The following TLE4 variants were observed in gnomAD, a reference collection of about 807,000 sequenced individuals.
TLE4 encodes the protein transducin-like enhancer protein 4.
In TLE4, 8 loss-of-function variants were observed where a neutral mutation model predicts 92.8. The ratio of observed to expected loss-of-function variants is 0.09; its 90% CI spans 0.05 to 0.16. The LOEUF is 0.16. Among genes scored for constraint, TLE4 ranks in the 10% least tolerant of loss-of-function variants. TLE4 has a pLI of 1.00. For missense variants in TLE4, 675 were observed against 997.6 expected (o/e 0.68, Z 4.36); for synonymous variants, 371 against 374.1 (o/e 0.99, Z 0.10).
At chr9:79,613,557 C>CT (rs1487514431) in intron 5 of TLE4, among the ~76,000 whole-genome samples, 1 of 152,162 alleles carries the variant, frequency 6.6e-6, no homozygotes, top group Non-Finnish European at 1.5e-5. Flanking sequence ...AAGATCCACT[C>CT]TAAGAAGGAA....
chr9:79,674,891 A>G (rs1325405684), intron 8 of TLE4, among the ~76,000 whole-genome samples: 1 of 152,240 alleles, frequency 6.6e-6, no homozygotes, highest in Non-Finnish European at 1.5e-5. Flanking sequence ...ATGTATGCAG[A>G]TGAAAAATCT....
chr9:79,623,600 G>A (rs572221872), intron 5 of TLE4, among the ~76,000 whole-genome samples: 20 of 150,882 alleles, frequency 1.3e-4, no homozygotes, highest in Non-Finnish European at 2.4e-4. Context: ...TTTTACTGAG[G>A]TATAATTTAC....
intron 5 of TLE4, among the ~76,000 whole-genome samples, chr9:79,616,885 A>G (rs908266189): frequency 9.9e-5 from 15 of 152,182 alleles, no homozygotes; most frequent in African/African-American, 3.6e-4. Context: ...CCTCTTCACT[A>G]GCTTTGCATT....
intron 15 of TLE4, among the ~76,000 whole-genome samples, chr9:79,719,492 C>CT (rs1056938945): frequency 2.0e-5 from 3 of 151,686 alleles, no homozygotes; most frequent in Admixed American, 6.6e-5. Context: ...CTAGGAGGAA[C>CT]TTTTTTTTTC....
chr9:79,717,170 TCTCTCCTGAATCAC>T (rs1407016566), intron 14 of TLE4, among the ~76,000 whole-genome samples: 2 of 152,156 alleles, frequency 1.3e-5, no homozygotes, highest in African/African-American at 2.4e-5. Context: ...TAACCTGACC[TCTCTCCTGAATCAC>T]AGCTGTTTGG....
intron 8 of TLE4, among the ~76,000 whole-genome samples, chr9:79,674,931 G>A (rs1205178419): frequency 2.0e-5 from 3 of 152,158 alleles, no homozygotes; most frequent in Non-Finnish European, 4.4e-5. Context: ...AGCCTCATCA[G>A]TTTGCTGGAG....
At chr9:79,685,833 C>G (rs1351711340) in intron 8 of TLE4, among the ~76,000 whole-genome samples, 3 of 151,916 alleles carry the variant, frequency 2.0e-5, no homozygotes, top group Non-Finnish European at 2.9e-5. Flanking sequence ...TATTACTTAC[C>G]CAGAAGGTAT....
At chr9:79,664,786 G>A (rs1345163555) in intron 8 of TLE4, among the ~76,000 whole-genome samples, 1 of 152,004 alleles carries the variant, frequency 6.6e-6, no homozygotes, top group Admixed American at 6.5e-5. Flanking sequence ...ACTGTGTTCA[G>A]TTCCTCCTGT....
intron 8 of TLE4, among the ~76,000 whole-genome samples, chr9:79,685,404 C>G (rs117719479): frequency 4.6e-5 from 7 of 152,192 alleles, no homozygotes; most frequent in Non-Finnish European, 1.0e-4. Context: ...TTAAAAACCC[C>G]TCACATGATG....
At chr9:79,680,782 T>A (rs2064369317) in intron 8 of TLE4, among the ~76,000 whole-genome samples, 1 of 152,228 alleles carries the variant, frequency 6.6e-6, no homozygotes, top group South Asian at 2.1e-4. Context: ...ATAGCTTTTA[T>A]TATTTTGAGA....
chr9:79,689,420 T>C (rs755601401), intron 8 of TLE4, among the ~76,000 whole-genome samples: 5 of 152,158 alleles, frequency 3.3e-5, no homozygotes, highest in Non-Finnish European at 7.4e-5. Context: ...ATGAGTATCC[T>C]TGGCTTTTAC....
chr9:79,672,448 A>G (rs7865425), intron 8 of TLE4, among the ~76,000 whole-genome samples: 80,163 of 151,898 alleles, frequency 0.53, 23,783 homozygotes, highest in East Asian at 0.7. Flanking sequence ...TTTCAAGTGA[A>G]TCTGTTTTTC....
intron 4 of TLE4, among the ~76,000 whole-genome samples, chr9:79,611,936 TAAA>T (rs34106000): frequency 1.8e-4 from 14 of 78,402 alleles, no homozygotes; most frequent in East Asian, 3.7e-4. Flanking sequence ...ATATCCACAG[TAAA>T]AAAAAAAAAA....
chr9:79,605,616 A>C (rs887577277), intron 4 of TLE4, among the ~76,000 whole-genome samples: 4 of 152,062 alleles, frequency 2.6e-5, no homozygotes, highest in African/African-American at 9.7e-5. Context: ...CTTCAGTAAA[A>C]TATAGCTTGA....
At chr9:79,723,860 AT>A (rs2076024148) in intron 19 of TLE4, among the ~76,000 whole-genome samples, 1 of 152,212 alleles carries the variant, frequency 6.6e-6, no homozygotes, top group South Asian at 2.1e-4. Flanking sequence ...CATAACATGG[AT>A]TATCACTTGT....
At chr9:79,575,083 C>A in intron 3 of TLE4, 147 bp downstream of exon 3, 1 of 550,122 alleles carries the variant, frequency 1.8e-6, no homozygotes, top group Non-Finnish European at 3.3e-6. Flanking sequence ...TATTAGCAAC[C>A]TGTAATTCTA....
intron 8 of TLE4, among the ~76,000 whole-genome samples, chr9:79,674,337 C>G (rs566905009): frequency 4.0e-5 from 6 of 151,094 alleles, no homozygotes; most frequent in African/African-American, 1.5e-4. Flanking sequence ...CACAGTGAGA[C>G]TAAGTAAGTT....
chr9:79,578,880 A>G (rs1217649492), intron 4 of TLE4, among the ~76,000 whole-genome samples: 4 of 151,444 alleles, frequency 2.6e-5, no homozygotes, highest in Non-Finnish European at 2.9e-5. Context: ...TGGAATTGGA[A>G]CATAAAATAT....
intron 14 of TLE4, among the ~76,000 whole-genome samples, chr9:79,714,452 A>T (rs1400513968): frequency 1.3e-5 from 2 of 152,216 alleles, no homozygotes; most frequent in African/African-American, 4.8e-5. Context: ...AACCAATTCA[A>T]GGATTTCCCA....
Sources: allele counts gnomAD v4.1 joint callset (sites outside exome capture counted in the v4.1 genomes callset), GRCh38; gene constraint gnomAD v4.1.1; transcripts MANE v1.5; gene names NCBI Gene and HGNC (gene_info 2026-07-23, HGNC 2026-07-21).